RBFOX1: variants seen among roughly 807,000 people sequenced by gnomAD.
RBFOX1 encodes RNA binding protein fox-1 homolog 1.
In RBFOX1, 8 loss-of-function variants were observed where a neutral mutation model predicts 57.7. The observed-to-expected ratio is 0.14, with a 90% CI of 0.08 to 0.25. The LOEUF (loss-of-function observed/expected upper bound fraction) is 0.25, where lower values mean the gene tolerates loss of function less well. RBFOX1 is among the 10% of genes least tolerant of loss of function. RBFOX1 has a pLI of 1.00. For synonymous variants in RBFOX1, 326 were observed against 222.4 expected, an observed-to-expected ratio of 1.47 and a Z score of -4.15; for missense variants, 611 against 548.5, an observed-to-expected ratio of 1.11 and a Z score of -1.14.
At chr16:7,010,878 A>T in intron 3 of RBFOX1, among the ~76,000 whole-genome samples, 1 of 152,152 alleles carries the variant, frequency 6.6e-6, no homozygotes, top group East Asian at 1.9e-4. Flanking sequence ...CTCCCGGCCC[A>T]CATCTCTTTT....
At chr16:5,965,162 C>T (rs1312581545) in intron 4 of RBFOX1, among the ~76,000 whole-genome samples, 1 of 152,138 alleles carries the variant, frequency 6.6e-6, no homozygotes, top group Admixed American at 6.5e-5. Flanking sequence ...ATGCTAGCCA[C>T]TCTGTTTATA....
In RBFOX1 at chr16:6,463,302, T is replaced by C. The variant is rs113832115; in HGVS notation, c.-64+146245T>C. 5.0e-3 allele frequency among the ~76,000 whole-genome samples: 761 copies of C among 152,324 alleles called. 6 individuals are homozygous for C. The highest frequency in any genetic ancestry group is 6.8e-3 in the Middle Eastern group (2 of 294). On this transcript the variant is annotated intron_variant, in intron 2 of 15. Coordinates refer to ENST00000550418, the MANE Select transcript of RBFOX1 (RefSeq NM_018723.4). Reference sequence around the variant, plus strand: ...CTTTCTGTTAACTCGGATGTGTGCATATACTCACACAGATCACAATTTCTG... The same window carrying C: ...CTTTCTGTTAACTCGGATGTGTGCACATACTCACACAGATCACAATTTCTG...
chr16:7,632,989 C>T (rs1373558997), intron 11 of RBFOX1, among the ~76,000 whole-genome samples: 1 of 151,996 alleles, frequency 6.6e-6, no homozygotes, highest in East Asian at 1.9e-4. Flanking sequence ...AAAATATTTC[C>T]CAAATTCTCC....
chr16:5,735,251 G>A (rs1597028482), intron 3 of RBFOX1, among the ~76,000 whole-genome samples: 1 of 152,192 alleles, frequency 6.6e-6, no homozygotes, highest in African/African-American at 2.4e-5. Context: ...TGGGCACCAA[G>A]GAGACGTCTT....
Position 6,531,559 on chromosome 16 carries a change from A to G in RBFOX1, c.-63-123044A>G, listed in dbSNP as rs545045881. 3.0e-4 allele frequency among the ~76,000 whole-genome samples: 46 copies of G among 152,282 alleles called. No homozygotes were observed. In the South Asian group the frequency reaches 5.8e-3, roughly 19 times the overall value. ...TTAATATCATTGGCTTTTGGAAAAT[A>G]CCTATTGTTTTAAAACAGCTACCTA... On this transcript the variant is annotated intron_variant, in intron 2 of 15. Coordinates refer to ENST00000550418, the MANE Select transcript of RBFOX1 (RefSeq NM_018723.4).
intron 2 of RBFOX1, among the ~76,000 whole-genome samples, chr16:6,620,425 C>T (rs2098212048): frequency 6.6e-6 from 1 of 152,060 alleles, no homozygotes; most frequent in Non-Finnish European, 1.5e-5. Flanking sequence ...GTTAACAACA[C>T]AATTAAAAGA....
chr16:5,874,301 G>A (rs1456472029), intron 4 of RBFOX1, among the ~76,000 whole-genome samples: 1 of 152,196 alleles, frequency 6.6e-6, no homozygotes, highest in Non-Finnish European at 1.5e-5. Context: ...GGAAAGGCAG[G>A]AGTTGGGAAG....
intron 4 of RBFOX1, among the ~76,000 whole-genome samples, chr16:7,412,412 C>A (rs369284963): frequency 2.9e-3 from 387 of 132,058 alleles, no homozygotes; most frequent in African/African-American, 3.2e-3. Flanking sequence ...GACATTCTGC[C>A]AAAAAAAAAA....
intron 1 of RBFOX1, among the ~76,000 whole-genome samples, chr16:6,249,479 G>A (rs1031414883): frequency 1.1e-4 from 16 of 152,130 alleles, no homozygotes; most frequent in East Asian, 5.8e-4. Flanking sequence ...AGCCAAGATC[G>A]TGCCACTGCA....
intron 3 of RBFOX1, among the ~76,000 whole-genome samples, chr16:6,809,455 T>A (rs964354590): frequency 1.3e-5 from 2 of 152,198 alleles, no homozygotes; most frequent in African/African-American, 4.8e-5. Context: ...ATTTATGGGG[T>A]ACCTGAGATA....
intron 1 of RBFOX1, among the ~76,000 whole-genome samples, chr16:6,050,620 C>A (rs1242271000): frequency 6.6e-6 from 1 of 152,102 alleles, no homozygotes; most frequent in East Asian, 1.9e-4. Context: ...ACCATGGATG[C>A]TCAATGCATT....
chr16:6,115,409 A>G (rs1448765207), intron 1 of RBFOX1, among the ~76,000 whole-genome samples: 3 of 142,652 alleles, frequency 2.1e-5, no homozygotes, highest in African/African-American at 8.7e-5. Context: ...TGATAATTTT[A>G]TAAAATAAAG....
chr16:7,487,717 A>C (rs992776666), intron 4 of RBFOX1, among the ~76,000 whole-genome samples: 39 of 152,180 alleles, frequency 2.6e-4, no homozygotes, highest in Admixed American at 2.0e-3. Flanking sequence ...CTCCATGCAG[A>C]CACATTCTCT....
At chr16:6,773,364 T>TTC (rs2154215377) in intron 3 of RBFOX1, among the ~76,000 whole-genome samples, 3 of 129,776 alleles carry the variant, frequency 2.3e-5, no homozygotes, top group Admixed American at 7.7e-5. Context: ...TGGGGTGCAT[T>TTC]TGTGTGTGTG....
intron 3 of RBFOX1, among the ~76,000 whole-genome samples, chr16:6,844,711 A>G (rs921703994): frequency 3.3e-5 from 5 of 152,174 alleles, no homozygotes; most frequent in African/African-American, 1.2e-4. Context: ...CAGTAATTGG[A>G]TTGTTGGGTC....
intron 4 of RBFOX1, among the ~76,000 whole-genome samples, chr16:7,344,690 T>C (rs1404921645): frequency 2.6e-5 from 4 of 152,314 alleles, no homozygotes; most frequent in East Asian, 1.9e-4. Flanking sequence ...GCCAGACTTA[T>C]TTTAAAAGGA....
chr16:6,221,549 A>G (rs893985883), intron 1 of RBFOX1, among the ~76,000 whole-genome samples: 2 of 152,202 alleles, frequency 1.3e-5, no homozygotes, highest in African/African-American at 2.4e-5. Context: ...AACATTTCCT[A>G]TCATTTGTTA....
intron 2 of RBFOX1, among the ~76,000 whole-genome samples, chr16:6,599,999 C>A (rs1464685498): frequency 6.6e-6 from 1 of 152,198 alleles, no homozygotes; most frequent in Non-Finnish European, 1.5e-5. Flanking sequence ...CTATTGCCAT[C>A]TTCTTCCCAA....
At chr16:6,447,012 T>C (rs567940303) in intron 2 of RBFOX1, among the ~76,000 whole-genome samples, 1 of 152,342 alleles carries the variant, frequency 6.6e-6, no homozygotes, top group South Asian at 2.1e-4. Flanking sequence ...TTTCACTCTT[T>C]GTCATTTTAA....
Sources: allele counts gnomAD v4.1 joint callset (sites outside exome capture counted in the v4.1 genomes callset), GRCh38; gene constraint gnomAD v4.1.1; transcripts MANE v1.5; gene names NCBI Gene and HGNC (gene_info 2026-07-23, HGNC 2026-07-21).